The following DPP10 variants were observed in gnomAD, a reference collection of about 807,000 sequenced individuals.
DPP10 encodes the protein inactive dipeptidyl peptidase 10.
In DPP10, 33 loss-of-function variants were observed where a neutral mutation model predicts 120.9. The ratio of observed to expected loss-of-function variants is 0.27; its 90% CI spans 0.21 to 0.37. The LOEUF is 0.37. Among genes scored for constraint, DPP10 ranks in the 10% least tolerant of loss-of-function variants. The pLI, the probability that DPP10 is intolerant of heterozygous loss-of-function variation, is 1.00. For missense variants in DPP10, 816 were observed against 942.8 expected, an observed-to-expected ratio of 0.87 and a Z score of 1.76; for synonymous variants, 337 against 326.1, an observed-to-expected ratio of 1.03 and a Z score of -0.36.
At chr2:114,626,204 C>T (rs994576746) in intron 1 of DPP10, among the ~76,000 whole-genome samples, 1 of 151,704 alleles carries the variant, frequency 6.6e-6, no homozygotes, top group African/African-American at 2.4e-5. Flanking sequence ...AAAATTACCA[C>T]CACCAATATA....
chr2:114,724,000 T>C (rs988680766), intron 1 of DPP10, among the ~76,000 whole-genome samples: 2 of 152,194 alleles, frequency 1.3e-5, no homozygotes, highest in African/African-American at 2.4e-5. Flanking sequence ...AATGGGATCT[T>C]GGCCATGAGA....
At chr2:115,654,003 CTT>C (rs974808883) in intron 5 of DPP10, among the ~76,000 whole-genome samples, 23 of 151,968 alleles carry the variant, frequency 1.5e-4, no homozygotes, top group African/African-American at 5.3e-4. Context: ...CCTAAGAACT[CTT>C]TTATTAAGAA....
At chr2:115,593,713 A>T (rs538746970) in intron 5 of DPP10, among the ~76,000 whole-genome samples, 5 of 152,198 alleles carry the variant, frequency 3.3e-5, no homozygotes, top group Non-Finnish European at 7.3e-5. Flanking sequence ...GTCTCTTTTG[A>T]AACATAATTT....
At chr2:114,529,658 A>G (rs1406805451) in intron 1 of DPP10, among the ~76,000 whole-genome samples, 1 of 152,192 alleles carries the variant, frequency 6.6e-6, no homozygotes, top group Non-Finnish European at 1.5e-5. Context: ...CTGCAATTTT[A>G]TAGGAAGTGT....
In DPP10 at chr2:114,442,730, T is replaced by C; in HGVS notation, c.-49T>C. 2.5e-6 allele frequency: 4 copies of C among 1,610,196 alleles called. No homozygotes were observed. The highest frequency in any genetic ancestry group is 3.4e-6 in the Non-Finnish European group (4 of 1,177,584). The stretch of plus-strand genomic sequence containing the variant: ...CAATAGAGGAGACTTGATCTCTAGT[T>C]CATTCTGGAACTCCGCCTGGGATTG... On this transcript the variant is annotated 5_prime_UTR_variant, in exon 1 of 26. Coordinates refer to ENST00000410059, the MANE Select transcript of DPP10 (RefSeq NM_020868.6).
Position 114,616,615 on chromosome 2 carries a change from C to T in DPP10, c.60+173777C>T, listed in dbSNP as rs115052801. ...TTTGCAGACGTGGGGACTGTTTGCT[C>T]ACAACATTATCACGGTTAAGGAAAG... On this transcript the variant is annotated intron_variant, in intron 1 of 25. Coordinates refer to ENST00000410059, the MANE Select transcript of DPP10 (RefSeq NM_020868.6). Among the ~76,000 whole-genome samples, 821 of 152,134 alleles carry T rather than the reference C, an allele frequency of 5.4e-3. 9 individuals are homozygous for T. Among genetic ancestry groups the T allele is most frequent in the African/African-American group, 0.019 (782 of 41,518 alleles).
At chr2:115,396,322 A>T (rs1301040953) in intron 3 of DPP10, among the ~76,000 whole-genome samples, 3 of 152,196 alleles carry the variant, frequency 2.0e-5, no homozygotes, top group Non-Finnish European at 4.4e-5. Context: ...ATCATCTTGA[A>T]ATCCGTAAAT....
rs561606877 is a variant in DPP10, at chr2:114,487,648, T to C, written c.60+44810T>C. The stretch of plus-strand genomic sequence containing the variant: ...TCTTTAATAAATCAATTTAAATGAA[T>C]TAGGCTCAATTATTTTTATGAGAAA... On this transcript the variant is annotated intron_variant, in intron 1 of 25. Transcript: ENST00000410059. Among the ~76,000 whole-genome samples, 5 of 152,296 alleles carry C rather than the reference T, an allele frequency of 3.3e-5. No individual in the cohort carries two copies. In the East Asian group the frequency reaches 9.6e-4, roughly 29 times the overall value.
At chr2:114,871,135 T>C (rs1408972878) in intron 1 of DPP10, among the ~76,000 whole-genome samples, 1 of 134,900 alleles carries the variant, frequency 7.4e-6, no homozygotes, top group Admixed American at 7.8e-5. Flanking sequence ...CCTCTAGCTT[T>C]CCCGATTTGA....
chr2:115,160,996 C>T (rs1235826865), intron 1 of DPP10: 1 of 152,176 alleles, frequency 6.6e-6, no homozygotes, highest in African/African-American at 2.4e-5. Flanking sequence ...GCTGGGAGGA[C>T]TTAAGATTTG....
At chr2:114,486,864 G>C (rs1681564366) in intron 1 of DPP10, among the ~76,000 whole-genome samples, 1 of 152,034 alleles carries the variant, frequency 6.6e-6, no homozygotes. Flanking sequence ...ATAAAATGCT[G>C]GTTTAACATA....
intron 3 of DPP10, among the ~76,000 whole-genome samples, chr2:115,417,592 G>A (rs191986721): frequency 1.2e-4 from 19 of 152,100 alleles, no homozygotes; most frequent in African/African-American, 2.9e-4. Context: ...ATGTCACCCC[G>A]CTTTAGATAT....
chr2:114,825,974 T>G (rs1444471257), intron 1 of DPP10, among the ~76,000 whole-genome samples: 2 of 152,156 alleles, frequency 1.3e-5, no homozygotes. Flanking sequence ...AGTTACTCTT[T>G]TTGCCAAAAA....
At chr2:115,213,950 G>A (rs2056665919) in intron 1 of DPP10, among the ~76,000 whole-genome samples, 2 of 151,142 alleles carry the variant, frequency 1.3e-5, no homozygotes, top group African/African-American at 4.8e-5. Context: ...AGGATTTATG[G>A]ATAGAAAAAA....
At chr2:115,781,089 C>T (rs1682710466) in intron 16 of DPP10, 94 bp downstream of exon 16, 1 of 1,041,562 alleles carries the variant, frequency 9.6e-7, no homozygotes, top group African/African-American at 1.6e-5. Context: ...TAGATGATTT[C>T]ATAATCTTAA....
intron 19 of DPP10, among the ~76,000 whole-genome samples, chr2:115,798,935 C>T (rs1310513740): frequency 6.6e-6 from 1 of 151,946 alleles, no homozygotes; most frequent in African/African-American, 2.4e-5. Context: ...AATCCACTAT[C>T]TGAGTCCATG....
At chr2:115,817,912 T>C (rs1185809695) in intron 21 of DPP10, among the ~76,000 whole-genome samples, 4 of 151,944 alleles carry the variant, frequency 2.6e-5, no homozygotes, top group African/African-American at 9.7e-5. Flanking sequence ...AGTGAAATGG[T>C]TGTTGCCAGG....
chr2:115,036,365 C>A (rs930082652), intron 1 of DPP10, among the ~76,000 whole-genome samples: 1 of 152,116 alleles, frequency 6.6e-6, no homozygotes, highest in African/African-American at 2.4e-5. Context: ...CAAACCGTAT[C>A]AATAATTAAG....
rs563910155 is a variant in DPP10 at position 114,643,668 on chromosome 2, G to A, written c.60+200830G>A. On this transcript the variant is annotated intron_variant, in intron 1 of 25. Transcript: ENST00000410059. ...TATTATTAGTTTAGAAGGGGTTGCTGTAGTCAGGACAATCAGTAATGCACT... is the reference window on the plus strand; with the variant it reads ...TATTATTAGTTTAGAAGGGGTTGCTATAGTCAGGACAATCAGTAATGCACT... Among the ~76,000 whole-genome samples, 250 of 151,944 alleles carry A rather than the reference G, an allele frequency of 1.6e-3. 5 individuals are homozygous for A. Among genetic ancestry groups the A allele is most frequent in the South Asian group, 1.2e-3 (6 of 4,818 alleles).
Sources: gnomAD v4.1 joint callset for allele counts (sites outside exome capture counted in the v4.1 genomes callset) on GRCh38, gnomAD v4.1.1 for gene constraint, MANE v1.5 for transcripts, NCBI Gene and HGNC (gene_info 2026-07-23, HGNC 2026-07-21) for gene names.